COL23A1: variants seen among roughly 807,000 people sequenced by gnomAD.
The protein encoded by COL23A1 is collagen alpha-1(XXIII) chain.
COL23A1 carries 97 observed loss-of-function variants against 99.3 expected under a neutral mutation model. The observed-to-expected ratio is 0.98, with a 90% CI of 0.83 to 1.16. The LOEUF (loss-of-function observed/expected upper bound fraction) is 1.16, where lower values mean the gene tolerates loss of function less well. Ranked by LOEUF, COL23A1 falls within the 50% of genes most tolerant of loss-of-function variation. COL23A1 has a pLI of 0.00. For missense variants in COL23A1, 762 were observed against 757.4 expected (o/e 1.01, Z -0.07); for synonymous variants, 320 against 308.2 (o/e 1.04, Z -0.40).
At chr5:178,268,146 G>A (rs996800140) in intron 7 of COL23A1, among the ~76,000 whole-genome samples, 1 of 152,222 alleles carries the variant, frequency 6.6e-6, no homozygotes, top group Non-Finnish European at 1.5e-5. Context: ...TGGGTCGGGG[G>A]TGGACATGGT....
At chr5:178,381,086 G>A (rs1472961932) in intron 2 of COL23A1, among the ~76,000 whole-genome samples, 2 of 152,230 alleles carry the variant, frequency 1.3e-5, no homozygotes, top group Non-Finnish European at 2.9e-5. Flanking sequence ...GGGCCTAGAG[G>A]GTCTGGCATG....
At chr5:178,443,669 A>G (rs1170508653) in intron 2 of COL23A1, among the ~76,000 whole-genome samples, 2 of 149,950 alleles carry the variant, frequency 1.3e-5, no homozygotes, top group Admixed American at 6.6e-5. Flanking sequence ...TGTTGGCCAG[A>G]CTGGTTTCAA....
intron 2 of COL23A1, among the ~76,000 whole-genome samples, chr5:178,385,239 T>C (rs1203649016): frequency 2.0e-5 from 3 of 152,162 alleles, no homozygotes; most frequent in Non-Finnish European, 4.4e-5. Flanking sequence ...CCTTCCGCTC[T>C]GGCAGGGTGG....
intron 8 of COL23A1, among the ~76,000 whole-genome samples, chr5:178,266,330 C>T (rs1755898220): frequency 6.6e-6 from 1 of 152,104 alleles, no homozygotes; most frequent in Admixed American, 6.6e-5. Context: ...CATGAGCCAC[C>T]TCGCCCGGCC....
chr5:178,256,865 C>T lies in COL23A1; in HGVS notation c.837+1G>A, dbSNP rs1765327924. 6.2e-7 allele frequency: 1 copy of T among 1,612,554 alleles called. No individual in the cohort carries two copies. Among genetic ancestry groups the T allele is most frequent in the African/African-American group, 1.3e-5 (1 of 74,926 alleles). On this transcript the variant is annotated splice_donor_variant, in intron 14 of 28. Coordinates refer to ENST00000390654, the MANE Select transcript of COL23A1 (RefSeq NM_173465.4). LOFTEE classifies it high-confidence loss of function. ...GCCAGAGCAGAGAGCTCTCATGTCA[C>T]CTTCGGTCCTGGGGCACCGTCCACA...
intron 2 of COL23A1, among the ~76,000 whole-genome samples, chr5:178,318,599 C>T (rs1439534711): frequency 2.0e-5 from 3 of 152,276 alleles, no homozygotes; most frequent in Non-Finnish European, 2.9e-5. Flanking sequence ...AGGGGTGGGG[C>T]GACTCCAGAA....
In COL23A1 at chr5:178,408,683, G is replaced by A. The variant is rs375570141; in HGVS notation, c.362-101764C>T. 8.6e-5 allele frequency among the ~76,000 whole-genome samples: 13 copies of A among 152,028 alleles called. No individual in the cohort carries two copies. In the East Asian group the frequency reaches 1.7e-3, roughly 20 times the overall value. On this transcript the variant is annotated intron_variant, in intron 2 of 28. Transcript: ENST00000390654. ...AATATACACTTATCAGGCCAGGCGC[G>A]GTGGCTCACGACTGTAATCCCAGCA...
chr5:178,467,137 G>T (rs1196078800), intron 2 of COL23A1, among the ~76,000 whole-genome samples: 1 of 152,198 alleles, frequency 6.6e-6, no homozygotes, highest in Non-Finnish European at 1.5e-5. Context: ...CCTGAGCTGG[G>T]GTCCTTCTTT....
At position 178,262,223 on chromosome 5, in the gene COL23A1, G is replaced by A. The variant is rs777518958; in HGVS notation, c.669C>T (p.Gly223=). The A allele has an allele frequency of 2.0e-5, 31 of 1,583,546 alleles. No individual in the cohort carries two copies. The African/African-American group carries it at 2.0e-4, about 10-fold the overall frequency. ...AGPKGEPGQD[G]EMGPKGPPGP... ...GAATGCCCTGGATACTGACCATCTC[G>A]CCGTCTTGTCCGGGCTCTCCTTTGG... The change falls in exon 10 of 29, where the codon GGC becomes GGT. Residue 223 remains glycine (G), a synonymous_variant. Transcript: ENST00000390654.
At position 178,280,430 on chromosome 5, in the gene COL23A1, G is replaced by A. The variant is rs933397369; in HGVS notation, c.441+7894C>T. 4.6e-5 allele frequency among the ~76,000 whole-genome samples: 7 copies of A among 152,144 alleles called. No homozygotes were observed. The highest frequency in any genetic ancestry group is 1.7e-4 in the African/African-American group (7 of 41,426). On this transcript the variant is annotated intron_variant, in intron 5 of 28. Transcript: ENST00000390654. The surrounding 1 kb of genome is among the most constrained non-coding windows in gnomAD (Gnocchi z 4.9). Reference sequence around the variant, plus strand: ...GGGGCCGAGGCTTGGCGGGGCCAGGGACGTGCCTGAGGCCACATGGACTAT... The same window carrying A: ...GGGGCCGAGGCTTGGCGGGGCCAGGAACGTGCCTGAGGCCACATGGACTAT...
intron 2 of COL23A1, among the ~76,000 whole-genome samples, chr5:178,470,450 G>T (rs921851113): frequency 6.6e-6 from 1 of 152,182 alleles, no homozygotes; most frequent in Non-Finnish European, 1.5e-5. Flanking sequence ...AACCCAGGAC[G>T]TGAGGACTCC....
chr5:178,442,624 C>T (rs2127843387), intron 2 of COL23A1, among the ~76,000 whole-genome samples: 1 of 152,266 alleles, frequency 6.6e-6, no homozygotes, highest in East Asian at 1.9e-4. Flanking sequence ...TCGCTCAGTC[C>T]CCTGATGATT....
At chr5:178,481,460 A>C (rs1375198020) in intron 2 of COL23A1, among the ~76,000 whole-genome samples, 1 of 152,186 alleles carries the variant, frequency 6.6e-6, no homozygotes. Flanking sequence ...TGCAAGTCAT[A>C]TATCTGATAA....
At chr5:178,524,863 C>T (rs1476641886) in intron 2 of COL23A1, among the ~76,000 whole-genome samples, 1 of 152,256 alleles carries the variant, frequency 6.6e-6, no homozygotes, top group African/African-American at 2.4e-5. Context: ...CGCAGCAATG[C>T]AGTCATTCAT....
intron 2 of COL23A1, among the ~76,000 whole-genome samples, chr5:178,533,795 C>A (rs2113237517): frequency 6.6e-6 from 1 of 152,326 alleles, no homozygotes; most frequent in East Asian, 1.9e-4. Flanking sequence ...CCACACCCAG[C>A]CGTTTCCTTC....
intron 2 of COL23A1, among the ~76,000 whole-genome samples, chr5:178,388,397 T>C (rs976950367): frequency 6.6e-6 from 1 of 152,232 alleles, no homozygotes; most frequent in African/African-American, 2.4e-5. Flanking sequence ...CAGGTATCCC[T>C]GGAACCTGCA....
intron 2 of COL23A1, among the ~76,000 whole-genome samples, chr5:178,494,550 C>G (rs1161020634): frequency 6.6e-6 from 1 of 152,210 alleles, no homozygotes; most frequent in East Asian, 1.9e-4. Flanking sequence ...TGGCACGTGC[C>G]TGTAATCCCA....
chr5:178,442,687 G>C (rs7711430), intron 2 of COL23A1, among the ~76,000 whole-genome samples: 52,544 of 152,098 alleles, frequency 0.35, 14,508 homozygotes, highest in African/African-American at 0.77. Flanking sequence ...AGGCATCTCG[G>C]AGAGGCCAGG....
intron 2 of COL23A1, among the ~76,000 whole-genome samples, chr5:178,491,054 A>G (rs1412952394): frequency 4.0e-5 from 6 of 151,616 alleles, no homozygotes; most frequent in East Asian, 3.9e-4. Context: ...GAGAGAGGAG[A>G]GAGAGAGAAA....
Sources: gnomAD v4.1 joint callset for allele counts (sites outside exome capture counted in the v4.1 genomes callset) on GRCh38, gnomAD v4.1.1 for gene constraint, Gnocchi (gnomAD v3.1) non-coding constraint, MANE v1.5 for transcripts, NCBI Gene and HGNC (gene_info 2026-07-23, HGNC 2026-07-21) for gene names.